PEX14: variants seen among roughly 807,000 people sequenced by gnomAD.
PEX14 encodes the protein peroxisomal membrane protein PEX14.
Under a neutral mutation model 49.5 loss-of-function variants are expected in PEX14, and 15 were observed. That is an observed-to-expected ratio of 0.30 (90% CI 0.20 to 0.47). The LOEUF (loss-of-function observed/expected upper bound fraction) is 0.47, where lower values mean the gene tolerates loss of function less well. PEX14 is among the 20% of genes least tolerant of loss of function. PEX14 has a pLI of 1.00. For missense variants in PEX14, 398 were observed against 494.8 expected (o/e 0.80, Z 1.86); for synonymous variants, 210 against 212.7 (o/e 0.99, Z 0.11).
chr1:10,477,272 G>A (rs1416917521), intron 1 of PEX14, among the ~76,000 whole-genome samples: 3 of 151,888 alleles, frequency 2.0e-5, no homozygotes, highest in South Asian at 4.2e-4. Context: ...GGGTTTCACC[G>A]TGTTAGCCAG....
chr1:10,621,342 CTTT>C (rs930417764), intron 5 of PEX14, among the ~76,000 whole-genome samples: 4 of 108,024 alleles, frequency 3.7e-5, no homozygotes, highest in South Asian at 3.0e-4. Flanking sequence ...TATATGAATT[CTTT>C]TTTTTTTTTT....
At chr1:10,609,150 C>T (rs1318986979) in intron 4 of PEX14, among the ~76,000 whole-genome samples, 3 of 152,100 alleles carry the variant, frequency 2.0e-5, no homozygotes, top group Admixed American at 2.0e-4. Flanking sequence ...TCATTTTGTC[C>T]ATCAGTTCAG....
At chr1:10,530,528 T>TG (rs1246621983) in intron 2 of PEX14, among the ~76,000 whole-genome samples, 1 of 152,166 alleles carries the variant, frequency 6.6e-6, no homozygotes, top group Admixed American at 6.5e-5. Flanking sequence ...GCCATTCCAG[T>TG]GGTTTTACTC....
intron 1 of PEX14, among the ~76,000 whole-genome samples, chr1:10,488,333 T>G (rs1222621795): frequency 6.6e-6 from 1 of 151,128 alleles, no homozygotes; most frequent in East Asian, 1.9e-4. Flanking sequence ...ATTTTTGTAT[T>G]TTTAGTGGAG....
rs554601328 is a variant in PEX14, at chr1:10,623,314, C to T, written c.487+193C>T. The T allele has an allele frequency of 8.6e-6, 5 of 578,574 alleles. No individual in the cohort carries two copies. Among genetic ancestry groups the T allele is most frequent in the East Asian group, 6.3e-5 (2 of 31,882 alleles). The allele number at this position is 578,574 out of a possible 1,614,324, so 35.8% of individuals were successfully genotyped here. Reference sequence around the variant, plus strand: ...TGAAATTGCTTGTTTACTGTCGGCGCGGCCTCAATTAATTATGTTTTTACG... The same window carrying T: ...TGAAATTGCTTGTTTACTGTCGGCGTGGCCTCAATTAATTATGTTTTTACG... On this transcript the variant is annotated intron_variant, in intron 6 of 8. Transcript: ENST00000356607. The surrounding 1 kb of genome is among the most constrained non-coding windows in gnomAD (Gnocchi z 4.4).
intron 3 of PEX14, among the ~76,000 whole-genome samples, chr1:10,546,682 C>T (rs1570245567): frequency 1.3e-5 from 2 of 150,376 alleles, no homozygotes; most frequent in Admixed American, 6.7e-5. Flanking sequence ...CTGGCCAACA[C>T]CGTGAAAACC....
At chr1:10,566,718 T>C (rs1016643915) in intron 3 of PEX14, among the ~76,000 whole-genome samples, 3 of 152,114 alleles carry the variant, frequency 2.0e-5, no homozygotes, top group Non-Finnish European at 4.4e-5. Context: ...GGTTTCTTCA[T>C]GTTGGTCAGG....
intron 1 of PEX14, among the ~76,000 whole-genome samples, chr1:10,493,911 G>C (rs1353484150): frequency 6.6e-6 from 1 of 152,242 alleles, no homozygotes; most frequent in Non-Finnish European, 1.5e-5. Flanking sequence ...CTCCAGGGCA[G>C]CTTAACTCCA....
At chr1:10,557,451 T>C (rs1386942950) in intron 3 of PEX14, among the ~76,000 whole-genome samples, 1 of 152,178 alleles carries the variant, frequency 6.6e-6, no homozygotes, top group Non-Finnish European at 1.5e-5. Flanking sequence ...CCAGCTGTGG[T>C]GGCGGGCGCC....
rs544095949 is a variant in PEX14 at position 10,512,751 on chromosome 1, T to C, written c.84+17430T>C. ...GTCTTGCTCTGTCGCCAGGCTGGAG[T>C]GCAGTGGCGTGATGTCGGCTCACTG... is the stretch of plus-strand genomic sequence containing the variant. On this transcript the variant is annotated intron_variant, in intron 2 of 8. Coordinates refer to ENST00000356607, the MANE Select transcript of PEX14 (RefSeq NM_004565.3). The surrounding 1 kb of genome is among the most constrained non-coding windows in gnomAD (Gnocchi z 4.6). Among the ~76,000 whole-genome samples the C allele has an allele frequency of 3.9e-5, 6 of 152,094 alleles. No homozygotes were observed. The highest frequency in any genetic ancestry group is 8.8e-5 in the Non-Finnish European group (6 of 68,018).
At chr1:10,508,549 C>T (rs1274531151) in intron 2 of PEX14, among the ~76,000 whole-genome samples, 2 of 152,102 alleles carry the variant, frequency 1.3e-5, no homozygotes, top group Non-Finnish European at 2.9e-5. Flanking sequence ...CAACTTGTGC[C>T]TTGTCAGAGT....
intron 3 of PEX14, among the ~76,000 whole-genome samples, chr1:10,586,628 CTTTTT>C (rs35743829): frequency 1.1e-5 from 1 of 93,012 alleles, no homozygotes; most frequent in Non-Finnish European, 2.2e-5. Flanking sequence ...AGCCGTTTAC[CTTTTT>C]TTTTTTTTTT....
At chr1:10,518,548 C>T (rs1420210605) in intron 2 of PEX14, among the ~76,000 whole-genome samples, 2 of 152,170 alleles carry the variant, frequency 1.3e-5, no homozygotes, top group South Asian at 2.1e-4. Flanking sequence ...GGGAAATCCA[C>T]GGGTGAACCC....
intron 3 of PEX14, among the ~76,000 whole-genome samples, chr1:10,581,184 A>G (rs924228947): frequency 1.3e-5 from 2 of 152,152 alleles, no homozygotes; most frequent in Admixed American, 1.3e-4. Flanking sequence ...CTTGAAGTCT[A>G]CATGGCAGGT....
At chr1:10,510,552 A>G (rs761061770) in intron 2 of PEX14, among the ~76,000 whole-genome samples, 1 of 152,192 alleles carries the variant, frequency 6.6e-6, no homozygotes, top group African/African-American at 2.4e-5. Context: ...TTAGGTGCCA[A>G]AGTAGGAAAG....
intron 3 of PEX14, among the ~76,000 whole-genome samples, chr1:10,589,165 C>T (rs944967043): frequency 6.6e-6 from 1 of 152,146 alleles, no homozygotes; most frequent in Admixed American, 6.6e-5. Context: ...CCACATTTTC[C>T]GTCACACTGA....
intron 4 of PEX14, among the ~76,000 whole-genome samples, chr1:10,600,503 G>T (rs1640952139): frequency 6.6e-6 from 1 of 152,050 alleles, no homozygotes; most frequent in Admixed American, 6.6e-5. Flanking sequence ...GATCACTTGA[G>T]GTCAGGAGTT....
chr1:10,496,040 G>A (rs636291), intron 2 of PEX14, among the ~76,000 whole-genome samples: 84,853 of 152,068 alleles, frequency 0.56, 26,333 homozygotes, highest in East Asian at 0.72. Flanking sequence ...GATAGCAGGC[G>A]TAGGGCTGTA....
chr1:10,560,223 A>T (rs1244917537), intron 3 of PEX14, among the ~76,000 whole-genome samples: 1 of 151,410 alleles, frequency 6.6e-6, no homozygotes, highest in Non-Finnish European at 1.5e-5. Context: ...ATGCCCAGCT[A>T]ATTTTGTATT....
Sources: allele counts gnomAD v4.1 joint callset (sites outside exome capture counted in the v4.1 genomes callset), GRCh38; gene constraint gnomAD v4.1.1; non-coding constraint Gnocchi (gnomAD v3.1); transcripts MANE v1.5; gene names NCBI Gene and HGNC (gene_info 2026-07-23, HGNC 2026-07-21).